The following KCNG3 variants were observed in gnomAD, a reference collection of about 807,000 sequenced individuals.
KCNG3 encodes voltage-gated potassium channel regulatory subunit KCNG3.
A neutral mutation model predicts 29.0 loss-of-function variants in KCNG3; 15 were observed. That is an observed-to-expected ratio of 0.52 (90% CI 0.35 to 0.80). KCNG3 has a LOEUF of 0.80. Ranked by LOEUF, KCNG3 falls within the 30% of genes least tolerant of loss-of-function variation. The probability of loss-of-function intolerance (pLI) is 0.01; values close to 1 mark genes in which losing one functional copy is unlikely to be tolerated. For synonymous variants in KCNG3, 322 were observed against 248.9 expected, an observed-to-expected ratio of 1.29 and a Z score of -2.76; for missense variants, 512 against 605.7, an observed-to-expected ratio of 0.85 and a Z score of 1.62.
intron 1 of KCNG3, among the ~76,000 whole-genome samples, chr2:42,449,666 C>T (rs1353144540): frequency 3.9e-5 from 6 of 151,914 alleles, no homozygotes; most frequent in Admixed American, 2.6e-4. Flanking sequence ...TACAGGCGCG[C>T]ACCACCACAC....
At chr2:42,434,666 C>CAAA in the KCNG3 span, among the ~76,000 whole-genome samples, 66 of 64,686 alleles carry the variant, frequency 1.0e-3, 6 homozygotes, top group South Asian at 5.6e-3. Flanking sequence ...AACTCCATCT[C>CAAA]AAAAAAAAAA....
At chr2:42,394,894 C>T in the KCNG3 span, among the ~76,000 whole-genome samples, 2 of 152,186 alleles carry the variant, frequency 1.3e-5, no homozygotes, top group South Asian at 2.1e-4. Flanking sequence ...GGGGTTCACA[C>T]TTTCTAGTCT....
chr2:42,432,324 T>C, the KCNG3 span, among the ~76,000 whole-genome samples: 1 of 152,228 alleles, frequency 6.6e-6, no homozygotes, highest in Non-Finnish European at 1.5e-5. Context: ...TTGGAATACC[T>C]CCTCCACCCC....
chr2:42,421,817 A>G, the KCNG3 span, among the ~76,000 whole-genome samples: 1 of 152,246 alleles, frequency 6.6e-6, no homozygotes, highest in East Asian at 1.9e-4. Context: ...ACAGCAGAAG[A>G]GCAGTCAGCC....
intron 1 of KCNG3, among the ~76,000 whole-genome samples, chr2:42,488,253 G>C (rs1013580535): frequency 2.0e-5 from 3 of 152,186 alleles, no homozygotes; most frequent in Non-Finnish European, 4.4e-5. Flanking sequence ...GAAGACCTAA[G>C]ATTTCTTCCA....
the KCNG3 span, among the ~76,000 whole-genome samples, chr2:42,425,398 C>CAAAAA: frequency 1.2e-5 from 1 of 82,350 alleles, no homozygotes; most frequent in African/African-American, 4.4e-5. Context: ...GACTCCGTCT[C>CAAAAA]AAAAAAAAAA....
chr2:42,423,905 G>C, the KCNG3 span, among the ~76,000 whole-genome samples: 1 of 151,894 alleles, frequency 6.6e-6, no homozygotes, highest in Non-Finnish European at 1.5e-5. Context: ...CTAGTATGTG[G>C]ATTATACTAT....
At chr2:42,445,821 G>A (rs1672584157) in intron 1 of KCNG3, among the ~76,000 whole-genome samples, 1 of 151,992 alleles carries the variant, frequency 6.6e-6, no homozygotes, top group African/African-American at 2.4e-5. Context: ...CTGCCTCCCG[G>A]GTTTAAGCAA....
the KCNG3 span, among the ~76,000 whole-genome samples, chr2:42,395,178 G>A: frequency 3.9e-5 from 6 of 152,344 alleles, no homozygotes; most frequent in African/African-American, 1.2e-4. Flanking sequence ...ACAAGCCCAT[G>A]GGGACAAACA....
At chr2:42,427,437 T>TA in the KCNG3 span, among the ~76,000 whole-genome samples, 1 of 151,508 alleles carries the variant, frequency 6.6e-6, no homozygotes, top group Admixed American at 6.6e-5. Context: ...AAACCCCATC[T>TA]CTATTAAAAA....
the KCNG3 span, among the ~76,000 whole-genome samples, chr2:42,391,853 C>T: frequency 4.6e-5 from 7 of 151,918 alleles, no homozygotes; most frequent in South Asian, 8.3e-4. Context: ...CCGCCCGCCT[C>T]GGCCTCCCAA....
the KCNG3 span, among the ~76,000 whole-genome samples, chr2:42,398,142 G>C: frequency 6.6e-6 from 1 of 151,942 alleles, no homozygotes; most frequent in Middle Eastern, 3.2e-3. Flanking sequence ...AGAATGGCGT[G>C]ATCCCAGGAG....
At chr2:42,452,756 T>TATAC (rs1239580795) in intron 1 of KCNG3, among the ~76,000 whole-genome samples, 1 of 137,100 alleles carries the variant, frequency 7.3e-6, no homozygotes, top group East Asian at 2.1e-4. Context: ...ACATTTCCTT[T>TATAC]ATACATTCAA....
chr2:42,450,504 G>A (rs781211574), intron 1 of KCNG3, among the ~76,000 whole-genome samples: 25 of 152,156 alleles, frequency 1.6e-4, no homozygotes, highest in Non-Finnish European at 8.8e-5. Flanking sequence ...GGGTATTCCC[G>A]GAGGTTACTT....
intron 1 of KCNG3, among the ~76,000 whole-genome samples, chr2:42,448,966 A>G (rs1672679007): frequency 6.6e-6 from 1 of 151,722 alleles, no homozygotes; most frequent in South Asian, 2.1e-4. Context: ...TGACAGAGCG[A>G]GACTCCGTCT....
At chr2:42,441,414 G>T (rs556512216), downstream of KCNG3, among the ~76,000 whole-genome samples, 1 of 151,884 alleles carries the variant, frequency 6.6e-6, no homozygotes, top group Non-Finnish European at 1.5e-5. Flanking sequence ...GATAAATAAT[G>T]ATAAAAGTAG....
chr2:42,424,337 TG>T, the KCNG3 span, among the ~76,000 whole-genome samples: 1 of 151,868 alleles, frequency 6.6e-6, no homozygotes, highest in East Asian at 1.9e-4. Flanking sequence ...ACAGAGATGA[TG>T]GGACTTCTGA....
the KCNG3 span, among the ~76,000 whole-genome samples, chr2:42,419,292 C>T: frequency 8.4e-6 from 1 of 119,600 alleles, no homozygotes; most frequent in Non-Finnish European, 1.6e-5. Flanking sequence ...GGCTGGAGTG[C>T]AGTGGTGCAA....
At chr2:42,456,414 A>C (rs1672874685) in intron 1 of KCNG3, among the ~76,000 whole-genome samples, 2 of 152,102 alleles carry the variant, frequency 1.3e-5, no homozygotes, top group African/African-American at 4.8e-5. Context: ...CTGCAGTCCC[A>C]GTTACTGAGG....
Sources: gnomAD v4.1 joint callset for allele counts (sites outside exome capture counted in the v4.1 genomes callset) on GRCh38, gnomAD v4.1.1 for gene constraint, MANE v1.5 for transcripts, NCBI Gene and HGNC (gene_info 2026-07-23, HGNC 2026-07-21) for gene names.